The following FHIT variants were observed in gnomAD, a reference collection of about 807,000 sequenced individuals.
FHIT encodes fragile histidine triad diadenosine triphosphatase.
In FHIT, 19 loss-of-function variants were observed where a neutral mutation model predicts 17.9. The observed-to-expected ratio is 1.06, with a 90% CI of 0.74 to 1.56. The LOEUF is 1.56. Ranked by LOEUF, FHIT falls within the 40% of genes most tolerant of loss-of-function variation. The pLI is 0.00. For synonymous variants in FHIT, 81 were observed against 69.7 expected, an observed-to-expected ratio of 1.16 and a Z score of -0.81; for missense variants, 248 against 189.2, an observed-to-expected ratio of 1.31 and a Z score of -1.82.
chr3:60,596,561 G>C (rs1316480804), intron 4 of FHIT, among the ~76,000 whole-genome samples: 1 of 152,056 alleles, frequency 6.6e-6, no homozygotes, highest in Admixed American at 6.6e-5. Context: ...CCCGTTTGCT[G>C]TTCTTGGTGT....
intron 5 of FHIT, among the ~76,000 whole-genome samples, chr3:60,510,796 C>T (rs1184749895): frequency 1.3e-5 from 2 of 152,056 alleles, no homozygotes; most frequent in African/African-American, 4.8e-5. Flanking sequence ...AAGGTTTTAG[C>T]ACAATGGCAC....
At chr3:59,760,829 G>T (rs1332592775) in intron 8 of FHIT, among the ~76,000 whole-genome samples, 1 of 136,920 alleles carries the variant, frequency 7.3e-6, no homozygotes, top group Admixed American at 7.1e-5. Context: ...CCATTTAGAG[G>T]TAATTTTTTT....
chr3:60,378,681 T>C (rs1247054877), intron 5 of FHIT, among the ~76,000 whole-genome samples: 1 of 152,226 alleles, frequency 6.6e-6, no homozygotes, highest in Non-Finnish European at 1.5e-5. Context: ...ACTATGGTAA[T>C]TTCAAGATGG....
At chr3:60,828,860 A>G (rs1553741716) in intron 3 of FHIT, among the ~76,000 whole-genome samples, 1 of 152,194 alleles carries the variant, frequency 6.6e-6, no homozygotes, top group Non-Finnish European at 1.5e-5. Context: ...CCTGGGCAAC[A>G]AAAGTGAAAT....
chr3:59,832,823 GAGTGAA>G (rs1701211617), intron 8 of FHIT, among the ~76,000 whole-genome samples: 3 of 152,182 alleles, frequency 2.0e-5, no homozygotes, highest in Non-Finnish European at 4.4e-5. Context: ...CCCTATCATT[GAGTGAA>G]AGACTATTTA....
At chr3:60,402,151 G>C (rs545719094) in intron 5 of FHIT, among the ~76,000 whole-genome samples, 1 of 152,008 alleles carries the variant, frequency 6.6e-6, no homozygotes, top group African/African-American at 2.4e-5. Flanking sequence ...GATTTAAAGA[G>C]AAAAAAAGAA....
intron 5 of FHIT, among the ~76,000 whole-genome samples, chr3:60,469,413 G>C (rs148100749): frequency 5.9e-4 from 90 of 152,172 alleles, no homozygotes; most frequent in African/African-American, 2.0e-3. Flanking sequence ...CTAATTCTTT[G>C]TTTTGCTTAT....
intron 5 of FHIT, among the ~76,000 whole-genome samples, chr3:60,448,673 C>A (rs1440164306): frequency 6.6e-6 from 1 of 152,142 alleles, no homozygotes; most frequent in Non-Finnish European, 1.5e-5. Context: ...TCCTGGACAG[C>A]ATTGATCATT....
chr3:61,225,985 TA>T (rs2039961665), intron 1 of FHIT, among the ~76,000 whole-genome samples: 1 of 152,250 alleles, frequency 6.6e-6, no homozygotes, highest in Non-Finnish European at 1.5e-5. Flanking sequence ...AGTCAAGTGT[TA>T]TTTATTTCTT....
At chr3:60,285,456 T>C (rs1707679882) in intron 5 of FHIT, among the ~76,000 whole-genome samples, 1 of 152,184 alleles carries the variant, frequency 6.6e-6, no homozygotes. Flanking sequence ...AACGGCAGAC[T>C]TAAAAATTAT....
chr3:60,820,982 T>A (rs1231837347), intron 4 of FHIT, among the ~76,000 whole-genome samples: 1 of 151,220 alleles, frequency 6.6e-6, no homozygotes, highest in African/African-American at 2.4e-5. Flanking sequence ...TTATTATTAT[T>A]ATGGGGTTTT....
At chr3:60,088,150 A>C (rs550721723) in intron 5 of FHIT, among the ~76,000 whole-genome samples, 42 of 152,280 alleles carry the variant, frequency 2.8e-4, no homozygotes, top group African/African-American at 1.0e-3. Flanking sequence ...TCTCTTTTCA[A>C]CAATTAGTTC....
intron 5 of FHIT, among the ~76,000 whole-genome samples, chr3:60,528,406 T>C (rs910980441): frequency 5.9e-5 from 9 of 151,420 alleles, no homozygotes; most frequent in African/African-American, 2.2e-4. Context: ...CCCAAACACA[T>C]ATACAAAAGG....
chr3:61,141,315 T>G (rs146257483), intron 2 of FHIT, among the ~76,000 whole-genome samples: 193 of 152,264 alleles, frequency 1.3e-3, no homozygotes, highest in African/African-American at 4.3e-3. Flanking sequence ...TTTATCCAAG[T>G]AGAATGTACT....
intron 5 of FHIT, among the ~76,000 whole-genome samples, chr3:60,324,166 A>T (rs947727042): frequency 6.6e-6 from 1 of 152,186 alleles, no homozygotes; most frequent in African/African-American, 2.4e-5. Context: ...CCTCATTAAC[A>T]AACTTGTGAG....
chr3:61,155,884 G>A (rs2037520918), intron 2 of FHIT, among the ~76,000 whole-genome samples: 1 of 152,130 alleles, frequency 6.6e-6, no homozygotes, highest in African/African-American at 2.4e-5. Flanking sequence ...ACTGATAAGA[G>A]TGGCTCACTG....
intron 5 of FHIT, among the ~76,000 whole-genome samples, chr3:60,035,818 C>A (rs1001876205): frequency 3.9e-5 from 6 of 152,192 alleles, no homozygotes; most frequent in African/African-American, 9.6e-5. Flanking sequence ...TTAATATTGT[C>A]TTCTACTCTG....
intron 6 of FHIT, 147 bp downstream of exon 6, chr3:60,013,860 G>T (rs746902456): frequency 1.3e-6 from 1 of 760,950 alleles, no homozygotes; most frequent in Non-Finnish European, 2.2e-6. Flanking sequence ...CAGTAGGGTT[G>T]CCCTGCATTA....
At chr3:60,855,068 T>C (rs2106930043) in intron 3 of FHIT, among the ~76,000 whole-genome samples, 1 of 152,284 alleles carries the variant, frequency 6.6e-6, no homozygotes, top group Non-Finnish European at 1.5e-5. Flanking sequence ...TTTCCTACTA[T>C]GGTATTCCTC....
Sources: gnomAD v4.1 joint callset for allele counts (sites outside exome capture counted in the v4.1 genomes callset) on GRCh38, gnomAD v4.1.1 for gene constraint, MANE v1.5 for transcripts, NCBI Gene and HGNC (gene_info 2026-07-23, HGNC 2026-07-21) for gene names.